Variants in ALX3 observed in about 807,000 individuals in gnomAD.
ALX3 encodes the protein ALX homeobox 3, also known as homeobox protein aristaless-like 3.
ALX3 carries 17 observed loss-of-function variants against 26.3 expected under a neutral mutation model. The ratio of observed to expected loss-of-function variants is 0.65; its 90% confidence interval spans 0.44 to 0.97. The LOEUF is 0.97. Among genes scored for constraint, ALX3 ranks in the 50% least tolerant of loss-of-function variants. The probability of loss-of-function intolerance (pLI) is 0.00; values close to 1 mark genes in which losing one functional copy is unlikely to be tolerated. For synonymous variants in ALX3, 208 were observed against 201.4 expected (o/e 1.03, Z -0.28); for missense variants, 461 against 466.5 (o/e 0.99, Z 0.11).
At chr1:110,069,077 G>T (rs929433453) in intron 1 of ALX3, among the ~76,000 whole-genome samples, 1 of 152,252 alleles carries the variant, frequency 6.6e-6, no homozygotes, top group African/African-American at 2.4e-5. Flanking sequence ...TCACCGCACT[G>T]CGCGGCCTCT....
intron 1 of ALX3, among the ~76,000 whole-genome samples, chr1:110,066,892 A>G (rs962919172): frequency 6.6e-6 from 1 of 152,320 alleles, no homozygotes; most frequent in Non-Finnish European, 1.5e-5. Flanking sequence ...CCAAGCTGCC[A>G]GGGACAAGGG....
At chr1:110,062,388 C>G (rs993083911) in intron 2 of ALX3, 1 of 152,296 alleles carries the variant, frequency 6.6e-6, no homozygotes, top group African/African-American at 2.4e-5. Flanking sequence ...TTGTGCACAT[C>G]TGTGTACATA....
In ALX3 at chr1:110,064,822, T is replaced by C; in HGVS notation, c.359A>G (p.Asn120Ser). 1 of 1,613,228 alleles carries C rather than the reference T, an allele frequency of 6.2e-7. No individual in the cohort carries two copies. Among genetic ancestry groups the C allele is most frequent in the Non-Finnish European group, 8.5e-7 (1 of 1,179,782 alleles). Reference protein sequence around the residue: ...CRGGPRDGPSNLQGSPGPCLA... With the variant: ...CRGGPRDGPSSLQGSPGPCLA... The stretch of plus-strand genomic sequence containing the variant: ...GCAGGGGCCTGGGGAGCCTTGCAAG[T>C]TAGAGGGCCCGTCTCTGGGGCCCCC... The change falls in exon 2 of 4, where the codon AAC becomes AGC. Residue 120 changes from asparagine to serine, a missense_variant. Transcript: ENST00000647563.
At chr1:110,061,213 C>T in intron 3 of ALX3, 172 bp from the exon 4 acceptor site, 1 of 992,494 alleles carries the variant, frequency 1.0e-6, no homozygotes, top group Non-Finnish European at 1.5e-6. Flanking sequence ...TCAGGAGGCC[C>T]CTGCCACTGT....
chr1:110,061,165 A>T, intron 3 of ALX3, 124 bp from the exon 4 acceptor site: 1 of 1,195,306 alleles, frequency 8.4e-7, no homozygotes, highest in Non-Finnish European at 1.2e-6. Flanking sequence ...CTTGGCTCAG[A>T]TCTACCCCCT....
Position 110,064,748 on chromosome 1 carries a change from C to G in ALX3, c.433G>C (p.Glu145Gln). 6.2e-7 allele frequency: 1 copy of G among 1,614,212 alleles called. No homozygotes were observed. The highest frequency in any genetic ancestry group is 8.5e-7 in the Non-Finnish European group (1 of 1,180,034). ...PLSPGLPDSM[E>Q]LAKNKSKKRR... is the part of the protein sequence containing the mutation. The stretch of plus-strand genomic sequence containing the variant: ...TTCTTGCTCTTGTTCTTGGCCAACT[C>G]CATGGAGTCAGGGAGTCCCGGGGAA... Residue 145 changes from glutamate (E) to glutamine (Q), a missense_variant, in exon 2 of 4, where the codon GAG becomes CAG. This residue lies in a region of ALX3 where 241 missense variants were observed against 206.1 expected (regional missense o/e 1.17). Transcript: ENST00000647563.
At chr1:110,066,416 G>A (rs1173474534) in intron 1 of ALX3, among the ~76,000 whole-genome samples, 1 of 152,204 alleles carries the variant, frequency 6.6e-6, no homozygotes, top group East Asian at 1.9e-4. Context: ...GGAGCACAGG[G>A]GAGAAAGTGT....
Position 110,070,426 on chromosome 1 carries a change from C to G in ALX3, c.187G>C (p.Glu63Gln). The G allele has an allele frequency of 7.9e-7, 1 of 1,270,182 alleles. No homozygotes were observed. Among genetic ancestry groups the G allele is most frequent in the Non-Finnish European group, 9.9e-7 (1 of 1,009,630 alleles). 78.7% of individuals were successfully genotyped at this position (1,270,182 alleles called of 1,614,324 possible). ...TACTTGGCGGGCGGCTTGGCCGGCT[C>G]TGGGAGGTAGGGCTCCAGGGGCCCG... ...ACGPLEPYLP[E>Q]PAKPPAKYLQ... The change falls in exon 1 of 4, where the codon GAG becomes CAG. Residue 63 changes from glutamate (E) to glutamine (Q), a missense_variant. By Grantham distance (29) the Glu-to-Gln change is conservative. Around this residue, in one of 3 missense-constraint regions of ALX3, gnomAD observed 241 missense variants for 206.1 expected, o/e 1.17. Coordinates refer to ENST00000647563, the MANE Select transcript of ALX3 (RefSeq NM_006492.3).
rs766497153 is a variant in ALX3, at chr1:110,064,788, G to A, written c.393C>T (p.Ser131=). Residue 131 remains serine (S), a synonymous_variant, in exon 2 of 4, where the codon AGC becomes AGT. Coordinates refer to ENST00000647563, the MANE Select transcript of ALX3 (RefSeq NM_006492.3). ...GTCCCGGGGAAAGAGGAAGATGCAG[G>A]CTGGCCAGGCAGGGGCCTGGGGAGC... ...LQGSPGPCLA[S]LHLPLSPGLP... 5 of 1,614,196 alleles carry A rather than the reference G, an allele frequency of 3.1e-6. No homozygotes were observed. Among genetic ancestry groups the A allele is most frequent in the Admixed American group, 1.7e-5 (1 of 60,032 alleles).
chr1:110,060,830 A>G lies in ALX3; in HGVS notation c.935T>C (p.Phe312Ser), dbSNP rs774474483. 1.2e-6 allele frequency: 2 copies of G among 1,614,066 alleles called. No individual in the cohort carries two copies. Among genetic ancestry groups the G allele is most frequent in the Admixed American group, 3.3e-5 (2 of 60,022 alleles). ...GFPPTLGGHS[F>S]EPSSDGDYKS... The stretch of plus-strand genomic sequence containing the variant: ...ATAGTCACCATCTGAGGAAGGCTCA[A>G]AGCTGTGGCCCCCCAGGGTGGGGGG... The change falls in exon 4 of 4, where the codon TTT (phenylalanine) becomes TCT (serine). Residue 312 changes from phenylalanine to serine, a missense_variant. Around this residue, in one of 3 missense-constraint regions of ALX3, gnomAD observed 169 missense variants for 178.0 expected, o/e 0.95. Transcript: ENST00000647563.
chr1:110,064,567 C>T lies in ALX3; in HGVS notation c.594+20G>A. On this transcript the variant is annotated intron_variant, in intron 2 of 3. Transcript: ENST00000647563. Reference sequence around the variant, plus strand: ...TGTGATAGGGGCAGCCAGAGAGCCCCATCCTTGCAGTGCCCTCACCTGTAC... The same window carrying T: ...TGTGATAGGGGCAGCCAGAGAGCCCTATCCTTGCAGTGCCCTCACCTGTAC... 6.2e-7 allele frequency: 1 copy of T among 1,613,650 alleles called. No individual in the cohort carries two copies. The highest frequency in any genetic ancestry group is 1.7e-5 in the Admixed American group (1 of 60,018).
chr1:110,062,646 G>GTGTGTGTGTGCGC, intron 2 of ALX3: 1 of 126,238 alleles, frequency 7.9e-6, no homozygotes, highest in African/African-American at 2.8e-5. Context: ...TGTGTGTGTG[G>GTGTGTGTGTGCGC]AGTAATCCGT....
intron 2 of ALX3, among the ~76,000 whole-genome samples, chr1:110,063,739 G>A (rs1470186155): frequency 7.9e-5 from 12 of 151,566 alleles, no homozygotes; most frequent in Admixed American, 7.9e-4. Flanking sequence ...TGCTTTGATC[G>A]AGCCGGTTCA....
chr1:110,070,224 A>T, intron 1 of ALX3, 112 bp downstream of exon 1: 1 of 1,186,096 alleles, frequency 8.4e-7, no homozygotes, highest in Non-Finnish European at 1.1e-6. Context: ...AGAGGGGCAA[A>T]AAGTTGAGAA....
At chr1:110,061,592 G>C (rs1311690567) in intron 2 of ALX3, 29 bp from the exon 3 acceptor site, 1 of 1,613,562 alleles carries the variant, frequency 6.2e-7, no homozygotes, top group Non-Finnish European at 8.5e-7. Flanking sequence ...GGTTTGAGGG[G>C]GTGATAGGGC....
chr1:110,067,774 G>A (rs1653823969), intron 1 of ALX3, among the ~76,000 whole-genome samples: 2 of 152,232 alleles, frequency 1.3e-5, no homozygotes, highest in African/African-American at 4.8e-5. Context: ...AGCTCCCGCC[G>A]AAGACTCAAA....
chr1:110,064,556 C>T (rs1479225886), intron 2 of ALX3, 31 bp downstream of exon 2: 1 of 1,611,960 alleles, frequency 6.2e-7, no homozygotes, highest in East Asian at 2.2e-5. Context: ...ATAGGGGCAG[C>T]CAGAGAGCCC....
At chr1:110,067,803 G>A (rs973904049) in intron 1 of ALX3, among the ~76,000 whole-genome samples, 1 of 152,214 alleles carries the variant, frequency 6.6e-6, no homozygotes, top group Non-Finnish European at 1.5e-5. Context: ...GGACATAAAC[G>A]CCGTGGGCAG....
intron 1 of ALX3, among the ~76,000 whole-genome samples, chr1:110,066,967 T>C (rs1570939292): frequency 6.6e-6 from 1 of 152,204 alleles, no homozygotes; most frequent in African/African-American, 2.4e-5. Context: ...TGCTGACCTA[T>C]GCCCAACTCC....
Sources: allele counts gnomAD v4.1 joint callset (sites outside exome capture counted in the v4.1 genomes callset), GRCh38; gene constraint gnomAD v4.1.1; regional missense constraint gnomAD v4.1.1; transcripts MANE v1.5; gene names NCBI Gene and HGNC (gene_info 2026-07-23, HGNC 2026-07-21).